The following TENM2 variants were observed in gnomAD, a reference collection of about 807,000 sequenced individuals.
TENM2 encodes teneurin transmembrane protein 2, also known as teneurin-2.
In TENM2, 52 loss-of-function variants were observed where a neutral mutation model predicts 245.2. That is an observed-to-expected ratio of 0.21 (90% CI 0.17 to 0.27). The LOEUF (loss-of-function observed/expected upper bound fraction) is 0.27. Ranked by LOEUF, TENM2 falls within the 10% of genes least tolerant of loss-of-function variation. TENM2 has a pLI of 1.00. For missense variants in TENM2, 3,046 were observed against 3,666.8 expected (o/e 0.83, Z 4.37); for synonymous variants, 1,363 against 1,438.9 (o/e 0.95, Z 1.19).
rs527877153 is a variant in TENM2, at chr5:167,930,478, T to C, written c.713-22110T>C. ...TTTTATTTATTTATTTATTTATTTATTTATTTATTTATTAGAGACAGGGTC... is the reference window on the plus strand; with the variant it reads ...TTTTATTTATTTATTTATTTATTTACTTATTTATTTATTAGAGACAGGGTC... On this transcript the variant is annotated intron_variant, in intron 3 of 28. Transcript: ENST00000518659. Among the ~76,000 whole-genome samples the C allele has an allele frequency of 8.6e-5, 13 of 151,326 alleles. No homozygotes were observed. In the South Asian group the frequency reaches 2.5e-3, roughly 29 times the overall value.
intron 2 of TENM2, among the ~76,000 whole-genome samples, chr5:167,435,975 C>G (rs560601454): frequency 1.2e-5 from 1 of 83,138 alleles, no homozygotes. Flanking sequence ...CTTTTTTTTT[C>G]TTTTTTTTTT....
chr5:167,007,389 A>T, the TENM2 span, among the ~76,000 whole-genome samples: 1 of 152,232 alleles, frequency 6.6e-6, no homozygotes, highest in Admixed American at 6.5e-5. The surrounding 1 kb of genome is among the most constrained non-coding windows in gnomAD (Gnocchi z 4.2). Context: ...ATTTTGATAA[A>T]GCATATTTAA....
chr5:167,798,429 G>T (rs1288606021), intron 2 of TENM2, among the ~76,000 whole-genome samples: 1 of 152,224 alleles, frequency 6.6e-6, no homozygotes, highest in Non-Finnish European at 1.5e-5. Context: ...AGAGGAAGAA[G>T]ACGAGAACCT....
the TENM2 span, among the ~76,000 whole-genome samples, chr5:167,129,050 C>G: frequency 6.6e-6 from 1 of 152,156 alleles, no homozygotes; most frequent in Non-Finnish European, 1.5e-5. Context: ...AACACCTTCC[C>G]CAGCTTCCTG....
rs566317338 is a variant in TENM2 at position 167,724,804 on chromosome 5, G to A, written c.503-151182G>A. On this transcript the variant is annotated intron_variant, in intron 2 of 28. Coordinates refer to ENST00000518659, the Ensembl canonical transcript of TENM2. Reference sequence around the variant, plus strand: ...AAGACCCTGAGACGGACAGTAGCTTGATGGTTTGGGGAACAGAAGGAAGAC... The same window carrying A: ...AAGACCCTGAGACGGACAGTAGCTTAATGGTTTGGGGAACAGAAGGAAGAC... Among the ~76,000 whole-genome samples, 14 of 152,272 alleles carry A rather than the reference G, an allele frequency of 9.2e-5. No individual in the cohort carries two copies. The South Asian group carries it at 2.9e-3, about 32-fold the overall frequency.
chr5:167,548,683 T>C (rs1458890387), intron 2 of TENM2, among the ~76,000 whole-genome samples: 1 of 152,134 alleles, frequency 6.6e-6, no homozygotes, highest in Non-Finnish European at 1.5e-5. Flanking sequence ...CCTCTTACCA[T>C]ATTCTGTCAA....
intron 2 of TENM2, among the ~76,000 whole-genome samples, chr5:167,741,545 A>G (rs1409821257): frequency 6.6e-6 from 1 of 152,068 alleles, no homozygotes; most frequent in Non-Finnish European, 1.5e-5. Flanking sequence ...TTCAGCTATT[A>G]CCTCTACACA....
chr5:167,033,989 C>G, the TENM2 span, among the ~76,000 whole-genome samples: 4 of 152,118 alleles, frequency 2.6e-5, no homozygotes, highest in African/African-American at 7.2e-5. Context: ...ATTTTTCCCA[C>G]TTTAAAACAA....
intron 2 of TENM2, among the ~76,000 whole-genome samples, chr5:167,502,988 C>A (rs545915210): frequency 6.6e-6 from 1 of 152,286 alleles, no homozygotes; most frequent in Admixed American, 6.5e-5. Context: ...CGCCACCATG[C>A]CTGGCTAATT....
the TENM2 span, among the ~76,000 whole-genome samples, chr5:167,114,123 A>G: frequency 6.6e-6 from 1 of 152,126 alleles, no homozygotes; most frequent in African/African-American, 2.4e-5. Flanking sequence ...AGCCACATCG[A>G]TTTTCAGAAA....
intron 2 of TENM2, among the ~76,000 whole-genome samples, chr5:167,402,980 A>G (rs1762441928): frequency 6.6e-6 from 1 of 152,108 alleles, no homozygotes; most frequent in Non-Finnish European, 1.5e-5. Flanking sequence ...GCTAATACAC[A>G]GGAAGGCCTG....
intron 2 of TENM2, among the ~76,000 whole-genome samples, chr5:167,802,338 C>T (rs1199801010): frequency 6.6e-6 from 1 of 152,118 alleles, no homozygotes; most frequent in Non-Finnish European, 1.5e-5. Flanking sequence ...ATATTTTCTT[C>T]CCACTTAACA....
intron 2 of TENM2, among the ~76,000 whole-genome samples, chr5:167,671,032 A>G (rs534485331): frequency 1.0e-3 from 158 of 152,242 alleles, no homozygotes; most frequent in Non-Finnish European, 2.0e-3. Flanking sequence ...AAATATGACA[A>G]TAAATGTGTA....
Position 167,687,344 on chromosome 5 carries a change from CA to C in TENM2, c.503-188639del, listed in dbSNP as rs371823025. Reference sequence around the variant, plus strand: ...GTATTTTTTAAAATATGCATATGCACAAAGGTTATGGAGACCCTTATTTTCT... The same window carrying C: ...GTATTTTTTAAAATATGCATATGCACAAGGTTATGGAGACCCTTATTTTCT... On this transcript the variant is annotated intron_variant, in intron 2 of 28. Coordinates refer to ENST00000518659, the Ensembl canonical transcript of TENM2. Among the ~76,000 whole-genome samples, 313 of 152,086 alleles carry C rather than the reference CA, an allele frequency of 2.1e-3. 1 individual carries two copies. The highest frequency in any genetic ancestry group is 6.8e-3 in the African/African-American group (281 of 41,464).
intron 4 of TENM2, among the ~76,000 whole-genome samples, chr5:167,977,084 A>G (rs770768068): frequency 6.6e-5 from 10 of 152,192 alleles, no homozygotes; most frequent in Non-Finnish European, 1.3e-4. Flanking sequence ...CAAATACCAC[A>G]TGTTTTTAAT....
intron 2 of TENM2, among the ~76,000 whole-genome samples, chr5:167,743,420 G>T (rs528421637): frequency 5.9e-5 from 9 of 152,102 alleles, no homozygotes; most frequent in Non-Finnish European, 1.3e-4. Flanking sequence ...AATGCACTGC[G>T]TTGCAAAGAG....
At chr5:167,340,748 G>A (rs1463940695) in intron 1 of TENM2, among the ~76,000 whole-genome samples, 1 of 152,204 alleles carries the variant, frequency 6.6e-6, no homozygotes, top group Non-Finnish European at 1.5e-5. Flanking sequence ...ATTATTTGGT[G>A]CACGTAAAAG....
chr5:168,184,963 G>A (rs1275844487), intron 13 of TENM2, among the ~76,000 whole-genome samples: 3 of 152,220 alleles, frequency 2.0e-5, no homozygotes, highest in Non-Finnish European at 4.4e-5. Context: ...TGTCTCACAG[G>A]TAAATAGTGT....
chr5:167,283,987 G>A (rs1012142219), upstream of TENM2, among the ~76,000 whole-genome samples: 3 of 151,934 alleles, frequency 2.0e-5, no homozygotes, highest in African/African-American at 7.3e-5. Context: ...TTCTATAGTG[G>A]GTATCCCAGC....
Sources: allele counts gnomAD v4.1 joint callset (sites outside exome capture counted in the v4.1 genomes callset), GRCh38; gene constraint gnomAD v4.1.1; non-coding constraint Gnocchi (gnomAD v3.1); transcripts MANE v1.5; gene names NCBI Gene and HGNC (gene_info 2026-07-23, HGNC 2026-07-21).